Variants in SERPINF2 observed in about 807,000 individuals in gnomAD.
The protein encoded by SERPINF2 is alpha-2-antiplasmin.
In SERPINF2, 15 loss-of-function variants were observed where a neutral mutation model predicts 45.0. The ratio of observed to expected loss-of-function variants is 0.33; its 90% CI spans 0.22 to 0.51. The LOEUF (loss-of-function observed/expected upper bound fraction) is 0.51. Ranked by LOEUF, SERPINF2 falls within the 20% of genes least tolerant of loss-of-function variation. The pLI, the probability that SERPINF2 is intolerant of heterozygous loss-of-function variation, is 0.97. For synonymous variants in SERPINF2, 283 were observed against 277.9 expected (o/e 1.02, Z -0.18); for missense variants, 518 against 637.4 (o/e 0.81, Z 2.02).
Position 1,747,515 on chromosome 17 carries a change from G to A in SERPINF2, c.715+3G>A, listed in dbSNP as rs750552019. ...CCTCAACGCCATCCACTTCCAGGGTGCGCTCCTCCTCCTCTCAGATCCCCC... is the reference window on the plus strand; with the variant it reads ...CCTCAACGCCATCCACTTCCAGGGTACGCTCCTCCTCCTCTCAGATCCCCC... On this transcript the variant is annotated splice_donor_region_variant and intron_variant, in intron 7 of 9. Coordinates refer to ENST00000453066, the MANE Select transcript of SERPINF2 (RefSeq NM_000934.4). The A allele has an allele frequency of 2.5e-6, 4 of 1,613,636 alleles. No homozygotes were observed. Among genetic ancestry groups the A allele is most frequent in the African/African-American group, 1.3e-5 (1 of 75,056 alleles).
chr17:1,750,558 G>A (rs994474606), intron 8 of SERPINF2, among the ~76,000 whole-genome samples: 1 of 152,158 alleles, frequency 6.6e-6, no homozygotes, highest in African/African-American at 2.4e-5. Flanking sequence ...AAAGTGCTGG[G>A]ATTATAGGCA....
At position 1,754,640 on chromosome 17, in the gene SERPINF2, C is replaced by A. The variant is rs975078477; in HGVS notation, c.*106C>A. The A allele has an allele frequency of 3.8e-6, 4 of 1,057,914 alleles. No individual in the cohort carries two copies. The highest frequency in any genetic ancestry group is 3.6e-5 in the African/African-American group (2 of 55,858). 65.5% of individuals were successfully genotyped at this position (1,057,914 alleles called of 1,614,324 possible). A position where few individuals can be genotyped will look rare whatever the true frequency, so the allele number is the denominator to read the frequency against. ...CACTGGGGCAGGGGCCGGGGGCAGT[C>A]TGAGAGAGGCCATTCTTTCCCAACA... is the stretch of plus-strand genomic sequence containing the variant. On this transcript the variant is annotated 3_prime_UTR_variant, in exon 10 of 10. Transcript: ENST00000453066.
Position 1,745,149 on chromosome 17 carries a change from T to G in SERPINF2, c.64-26T>G. On this transcript the variant is annotated intron_variant, in intron 2 of 9. Transcript: ENST00000453066. The surrounding 1 kb of genome is among the most constrained non-coding windows in gnomAD (Gnocchi z 6.2). ...GGGAGGGCTTGGCTCCGAGGGGACC[T>G]CCTATCCTCATCCCTTTCTCCACAG... 1.3e-6 allele frequency: 2 copies of G among 1,583,028 alleles called. No individual in the cohort carries two copies. Among genetic ancestry groups the G allele is most frequent in the Non-Finnish European group, 1.7e-6 (2 of 1,165,090 alleles).
chr17:1,755,048 C>A lies in SERPINF2; in HGVS notation c.*514C>A, dbSNP rs1448713154. ...GTGGCCTAACCTGCCGAGAGTCCAT[C>A]AGCCTCCATCCTACCCCCTGTGCCT... On this transcript the variant is annotated 3_prime_UTR_variant, in exon 10 of 10. Transcript: ENST00000453066. The surrounding 1 kb of genome is among the most constrained non-coding windows in gnomAD (Gnocchi z 4.2). 1 of 163,084 alleles carries A rather than the reference C, an allele frequency of 6.1e-6. No homozygotes were observed. Among genetic ancestry groups the A allele is most frequent in the Non-Finnish European group, 1.3e-5 (1 of 75,326 alleles). 10.1% of individuals were successfully genotyped at this position (163,084 alleles called of 1,614,324 possible). A position where few individuals can be genotyped will look rare whatever the true frequency, so the allele number is the denominator to read the frequency against.
intron 9 of SERPINF2, among the ~76,000 whole-genome samples, chr17:1,753,161 T>C (rs1005336050): frequency 2.0e-5 from 3 of 152,086 alleles, no homozygotes; most frequent in Non-Finnish European, 2.9e-5. Context: ...TCCCAGCACG[T>C]TGGGAAGCTG....
In SERPINF2 at chr17:1,745,761, C is replaced by A. The variant is rs1409776067; in HGVS notation, c.219C>A (p.Asp73Glu). 1.2e-6 allele frequency: 2 copies of A among 1,614,002 alleles called. No individual in the cohort carries two copies. The highest frequency in any genetic ancestry group is 8.5e-7 in the Non-Finnish European group (1 of 1,180,004). Residue 73 changes from aspartate (D) to glutamate (E), a missense_variant, in exon 5 of 10, where the codon GAC becomes GAA. Physicochemically the swap from Asp to Glu is conservative, Grantham distance 45. Coordinates refer to ENST00000453066, the MANE Select transcript of SERPINF2 (RefSeq NM_000934.4). This position sits in a 1 kb window ranked among gnomAD's most constrained non-coding sequence, Gnocchi z 6.2. ...GTCCCCCAGGAGTCTGCAGCAGAGACCCCACCCCAGAGCAGACCCACAGGC... is the reference window on the plus strand; with the variant it reads ...GTCCCCCAGGAGTCTGCAGCAGAGAACCCACCCCAGAGCAGACCCACAGGC... ...LKSPPGVCSRDPTPEQTHRLA... is the reference protein window; with the variant it reads ...LKSPPGVCSREPTPEQTHRLA...
rs1597317451 is a variant in SERPINF2, at chr17:1,742,912, T to C, written c.-5+4T>C. 3 of 984,836 alleles carry C rather than the reference T, an allele frequency of 3.0e-6. No homozygotes were observed. Among genetic ancestry groups the C allele is most frequent in the African/African-American group, 1.8e-5 (1 of 56,942 alleles). The allele number at this position is 984,836 out of a possible 1,614,324, so 61.0% of individuals were successfully genotyped here. A position where few individuals can be genotyped will look rare whatever the true frequency, so the allele number is the denominator to read the frequency against. The stretch of plus-strand genomic sequence containing the variant: ...TGGCAGCAAGGAGCCCGCAGAGGTA[T>C]GAGGGGAGGGGCTGCTCGGCCTGCT... On this transcript the variant is annotated splice_donor_region_variant and intron_variant, in intron 1 of 9. Coordinates refer to ENST00000453066, the MANE Select transcript of SERPINF2 (RefSeq NM_000934.4).
At position 1,742,884 on chromosome 17, in the gene SERPINF2, G is replaced by A. The variant is rs547470582; in HGVS notation, c.-29G>A. 189 of 985,444 alleles carry A rather than the reference G, an allele frequency of 1.9e-4. No homozygotes were observed. The highest frequency in any genetic ancestry group is 5.2e-4 in the Middle Eastern group (1 of 1,918). 61.0% of individuals were successfully genotyped at this position (985,444 alleles called of 1,614,324 possible). On this transcript the variant is annotated 5_prime_UTR_variant, in exon 1 of 10. In the 5' UTR this introduces an upstream ATG that the reference lacks. Transcript: ENST00000453066. The stretch of plus-strand genomic sequence containing the variant: ...CCAAGTGGGGCCAGAGGAACGTTGT[G>A]TGTGGCAGCAAGGAGCCCGCAGAGG...
rs552659916 is a variant in SERPINF2 at position 1,750,653 on chromosome 17, T to C, written c.858+1913T>C. 2.0e-5 allele frequency among the ~76,000 whole-genome samples: 3 copies of C among 152,288 alleles called. No individual in the cohort carries two copies. In the South Asian group the frequency reaches 6.2e-4, roughly 32 times the overall value. On this transcript the variant is annotated intron_variant, in intron 8 of 9. Transcript: ENST00000453066. ...GCCTCTCTTGCTTCTAGCCTAAATG[T>C]GGTCCCCTTGGCCTGGGTATTGATC...
Position 1,754,695 on chromosome 17 carries a change from G to GGGGGGC in SERPINF2, c.*161_*162insGGGGGC. ...TTGGGGAGTTTAGGGTGGGGGGGGG[G>GGGGGGC]CGCGGCTGGGAGGAGGGCAGGCATC... On this transcript the variant is annotated 3_prime_UTR_variant, in exon 10 of 10. Coordinates refer to ENST00000453066, the MANE Select transcript of SERPINF2 (RefSeq NM_000934.4). 9.5e-6 allele frequency: 3 copies of GGGGGGC among 316,616 alleles called. No homozygotes were observed. Among genetic ancestry groups the GGGGGGC allele is most frequent in the Non-Finnish European group, 1.7e-5 (3 of 175,558 alleles). The allele number at this position is 316,616 out of a possible 1,614,324, so 19.6% of individuals were successfully genotyped here.
chr17:1,744,432 G>A (rs1905602637), intron 1 of SERPINF2: 1 of 448,552 alleles, frequency 2.2e-6, no homozygotes. Flanking sequence ...GGTGGAGGTT[G>A]CGGTGAGCCG....
At chr17:1,753,001 G>A (rs763668221) in intron 9 of SERPINF2, among the ~76,000 whole-genome samples, 16 of 152,238 alleles carry the variant, frequency 1.1e-4, no homozygotes, top group Non-Finnish European at 2.2e-4. Context: ...GCTCTGCTTT[G>A]CTGCCCAAGA....
rs200446774 is a variant in SERPINF2, at chr17:1,754,541, G to A, written c.*7G>A. 2.5e-5 allele frequency: 40 copies of A among 1,604,896 alleles called. No individual in the cohort carries two copies. Among genetic ancestry groups the A allele is most frequent in the African/African-American group, 1.1e-4 (8 of 74,902 alleles). ...GTTTGGCAGCCCCAAGTGAGGGGCC[G>A]TGGCTGTGGCATCCAGAGTCCCTGC... On this transcript the variant is annotated 3_prime_UTR_variant, in exon 10 of 10. Coordinates refer to ENST00000453066, the MANE Select transcript of SERPINF2 (RefSeq NM_000934.4).
intron 1 of SERPINF2, 81 bp from the exon 2 acceptor site, chr17:1,744,911 T>C: frequency 6.2e-7 from 1 of 1,608,018 alleles, no homozygotes; most frequent in Non-Finnish European, 8.5e-7. Context: ...GGACTTGGCG[T>C]TATCTGTGAT....
At chr17:1,748,858 G>A (rs980806245) in intron 8 of SERPINF2, 118 bp downstream of exon 8, 38 of 759,776 alleles carry the variant, frequency 5.0e-5, no homozygotes, top group Non-Finnish European at 7.9e-5. Flanking sequence ...TTGCCTCCAC[G>A]TCCCCTAGGC....
chr17:1,745,094 G>C lies in SERPINF2; in HGVS notation c.63+36G>C, dbSNP rs1397899288. On this transcript the variant is annotated intron_variant, in intron 2 of 9. Transcript: ENST00000453066. This position sits in a 1 kb window ranked among gnomAD's most constrained non-coding sequence, Gnocchi z 6.2. ...GCTGAAGTCAAGGTGGGGTGGGGTG[G>C]AGGGGGAAGAAGAGGGGCGTTGGCA... 1.9e-6 allele frequency: 3 copies of C among 1,609,956 alleles called. No homozygotes were observed. The Admixed American group carries it at 5.0e-5, about 27-fold the overall frequency.
intron 1 of SERPINF2, 179 bp from the exon 2 acceptor site, chr17:1,744,813 C>A (rs1716119526): frequency 1.0e-6 from 1 of 985,320 alleles, no homozygotes; most frequent in African/African-American, 1.7e-5. Context: ...GCGGATGTCC[C>A]AGCTGCAGGA....
At chr17:1,743,099 A>C in intron 1 of SERPINF2, 191 bp downstream of exon 1, 1 of 970,212 alleles carries the variant, frequency 1.0e-6, no homozygotes, top group Non-Finnish European at 1.2e-6. Context: ...GCCCTGGCCA[A>C]GGGCTCTTGT....
At position 1,747,455 on chromosome 17, in the gene SERPINF2, C is replaced by T. The variant is rs1160747551; in HGVS notation, c.658C>T (p.Leu220Phe). 1.2e-6 allele frequency: 2 copies of T among 1,614,062 alleles called. No individual in the cohort carries two copies. The highest frequency in any genetic ancestry group is 8.5e-7 in the Non-Finnish European group (1 of 1,180,048). The change falls in exon 7 of 10, where the codon CTC (leucine) becomes TTC (phenylalanine). Residue 220 changes from leucine (L) to phenylalanine (F), a missense_variant. Around this residue, in one of 2 missense-constraint regions of SERPINF2, gnomAD observed 435 missense variants for 577.3 expected, o/e 0.75. Transcript: ENST00000453066. ...EATEGKIQEF[L>F]SGLPEDTVLL... ...CACGGAGGGGAAGATTCAGGAATTC[C>T]TCTCTGGGCTGCCGGAAGACACCGT...
Sources: gnomAD v4.1 joint callset for allele counts (sites outside exome capture counted in the v4.1 genomes callset) on GRCh38, gnomAD v4.1.1 for gene constraint, gnomAD v4.1.1 regional missense constraint, Gnocchi (gnomAD v3.1) non-coding constraint, MANE v1.5 for transcripts, NCBI Gene and HGNC (gene_info 2026-07-23, HGNC 2026-07-21) for gene names.